NCAM1: variants seen among roughly 807,000 people sequenced by gnomAD.
NCAM1 encodes the protein antigen recognized by monoclonal antibody 5.1H11.
A neutral mutation model predicts 109.8 loss-of-function variants in NCAM1; 14 were observed. The ratio of observed to expected loss-of-function variants is 0.13; its 90% confidence interval spans 0.08 to 0.20. NCAM1 has a LOEUF of 0.20. Ranked by LOEUF, NCAM1 falls within the 10% of genes least tolerant of loss-of-function variation. The pLI is 1.00. For synonymous variants in NCAM1, 418 were observed against 442.9 expected (o/e 0.94, Z 0.70); for missense variants, 774 against 1,109.9 (o/e 0.70, Z 4.30).
At chr11:113,076,583 A>G (rs994905801) in intron 1 of NCAM1, among the ~76,000 whole-genome samples, 12 of 152,176 alleles carry the variant, frequency 7.9e-5, no homozygotes, top group Admixed American at 5.9e-4. Context: ...TTTTTCTTGT[A>G]TTCTATTTCT....
At chr11:113,039,701 G>A (rs1442587161) in intron 1 of NCAM1, among the ~76,000 whole-genome samples, 1 of 152,142 alleles carries the variant, frequency 6.6e-6, no homozygotes. Context: ...TTCCCTCCAG[G>A]AGAAATAAAA....
chr11:113,120,702 C>T (rs561172069), intron 1 of NCAM1, among the ~76,000 whole-genome samples: 1 of 152,268 alleles, frequency 6.6e-6, no homozygotes, highest in East Asian at 1.9e-4. Flanking sequence ...TAACAAAAGA[C>T]AGGTTAACAA....
In NCAM1 at chr11:113,176,512, T is replaced by A. The variant is rs577143087; in HGVS notation, c.53-25867T>A. On this transcript the variant is annotated intron_variant, in intron 1 of 19. Transcript: ENST00000316851. ...GAGATTAGGTGAAGGTCCACTTGAC[T>A]ATCATCCAATTTTTAGACATTTTGA... Among the ~76,000 whole-genome samples, 3 of 152,314 alleles carry A rather than the reference T, an allele frequency of 2.0e-5. No homozygotes were observed. The South Asian group carries it at 6.2e-4, about 32-fold the overall frequency.
chr11:113,075,461 T>C (rs1429376244), intron 1 of NCAM1, among the ~76,000 whole-genome samples: 2 of 152,226 alleles, frequency 1.3e-5, no homozygotes, highest in Non-Finnish European at 2.9e-5. Context: ...ATGGTGTTTC[T>C]GTATCGGATG....
At chr11:113,078,306 G>A (rs1938623284) in intron 1 of NCAM1, among the ~76,000 whole-genome samples, 1 of 152,042 alleles carries the variant, frequency 6.6e-6, no homozygotes, top group African/African-American at 2.4e-5. Context: ...AAGGACACGA[G>A]TCATTGGATT....
rs568970732 is a variant in NCAM1, at chr11:113,219,509, CT to C, written c.1060-1786del. 3.9e-5 allele frequency among the ~76,000 whole-genome samples: 6 copies of C among 152,332 alleles called. No individual in the cohort carries two copies. In the South Asian group the frequency reaches 1.2e-3, roughly 32 times the overall value. ...ACCTAGAACAATTTTTGGAGGATTA[CT>C]AATCACACTCTGATTTATTTCATAA... On this transcript the variant is annotated intron_variant, in intron 8 of 19. Coordinates refer to ENST00000316851, the MANE Select transcript of NCAM1 (RefSeq NM_181351.5).
At chr11:113,002,382 C>T (rs1259596369) in intron 1 of NCAM1, among the ~76,000 whole-genome samples, 1 of 152,162 alleles carries the variant, frequency 6.6e-6, no homozygotes, top group Non-Finnish European at 1.5e-5. Context: ...TTAATTGAAT[C>T]TTATCAATGT....
At chr11:113,236,354 C>G (rs377424505) in intron 14 of NCAM1, 14 of 1,602,638 alleles carry the variant, frequency 8.7e-6, no homozygotes, top group Non-Finnish European at 1.1e-5. Flanking sequence ...GTTTCCATAG[C>G]GTTAACATCT....
At chr11:113,085,303 G>A (rs782232021) in intron 1 of NCAM1, among the ~76,000 whole-genome samples, 10 of 152,154 alleles carry the variant, frequency 6.6e-5, no homozygotes, top group Non-Finnish European at 1.5e-4. Context: ...TTCCACAATG[G>A]CCAGGGAGTT....
At chr11:112,968,571 G>C (rs1415861677) in intron 1 of NCAM1, among the ~76,000 whole-genome samples, 1 of 152,166 alleles carries the variant, frequency 6.6e-6, no homozygotes, top group African/African-American at 2.4e-5. Context: ...TCTGTGCTGG[G>C]TGCTGGGAAT....
chr11:113,171,394 G>C (rs1416679732), intron 1 of NCAM1, among the ~76,000 whole-genome samples: 1 of 152,164 alleles, frequency 6.6e-6, no homozygotes, highest in Non-Finnish European at 1.5e-5. Context: ...CACTTTGGGA[G>C]GCCGACGCGG....
chr11:113,038,941 G>A (rs1038812265), intron 1 of NCAM1, among the ~76,000 whole-genome samples: 5 of 152,176 alleles, frequency 3.3e-5, no homozygotes, highest in East Asian at 1.9e-4. Context: ...CAAATACTGC[G>A]GATATGATGA....
chr11:113,137,987 T>C (rs1941663806), intron 1 of NCAM1, among the ~76,000 whole-genome samples: 2 of 151,530 alleles, frequency 1.3e-5, no homozygotes, highest in South Asian at 4.2e-4. Flanking sequence ...TGCAGACATA[T>C]CTAATTAGTT....
intron 17 of NCAM1, chr11:113,269,668 G>A (rs1565540669): frequency 6.0e-6 from 1 of 167,930 alleles, no homozygotes; most frequent in African/African-American, 2.4e-5. Flanking sequence ...GAAAGAGGAA[G>A]TGGAGAAGTA....
chr11:113,014,741 C>T (rs1369668572), intron 1 of NCAM1, among the ~76,000 whole-genome samples: 4 of 152,164 alleles, frequency 2.6e-5, no homozygotes, highest in African/African-American at 7.2e-5. Context: ...TTTCTGAGGT[C>T]GTCTTGGTTG....
intron 1 of NCAM1, among the ~76,000 whole-genome samples, chr11:113,180,813 C>CCT (rs1943306508): frequency 6.6e-6 from 1 of 152,194 alleles, no homozygotes; most frequent in African/African-American, 2.4e-5. Flanking sequence ...ATTTACTTAA[C>CCT]CTCTCTAAGC....
At chr11:113,040,505 A>C (rs1555079819) in intron 1 of NCAM1, among the ~76,000 whole-genome samples, 2 of 152,350 alleles carry the variant, frequency 1.3e-5, no homozygotes, top group East Asian at 3.9e-4. Flanking sequence ...AAAAGTAGCC[A>C]TAGACAATGG....
rs1296600828 is a variant in NCAM1, at chr11:113,264,541, A to T, written c.2131+4218A>T. The T allele has an allele frequency of 3.0e-6, 3 of 985,384 alleles. No individual in the cohort carries two copies. The African/African-American group carries it at 5.2e-5, about 17-fold the overall frequency. The allele number at this position is 985,384 out of a possible 1,614,324, so 61.0% of individuals were successfully genotyped here. A position where few individuals can be genotyped will look rare whatever the true frequency, so the allele number is the denominator to read the frequency against. The stretch of plus-strand genomic sequence containing the variant: ...TTTGGGCACAGGGCAGAGCATAAGG[A>T]TCCCAGGTCAGTGTGGGAGAGCTAC... On this transcript the variant is annotated intron_variant, in intron 17 of 19. Coordinates refer to ENST00000316851, the MANE Select transcript of NCAM1 (RefSeq NM_181351.5).
At chr11:113,032,938 C>A (rs1194353156) in intron 1 of NCAM1, among the ~76,000 whole-genome samples, 1 of 152,112 alleles carries the variant, frequency 6.6e-6, no homozygotes, top group Non-Finnish European at 1.5e-5. Flanking sequence ...GTATTTTTCC[C>A]CCTCAATAAA....
Sources: gnomAD v4.1 joint callset for allele counts (sites outside exome capture counted in the v4.1 genomes callset) on GRCh38, gnomAD v4.1.1 for gene constraint, MANE v1.5 for transcripts, NCBI Gene and HGNC (gene_info 2026-07-23, HGNC 2026-07-21) for gene names.